The following IFT88 variants were observed in gnomAD, a reference collection of about 807,000 sequenced individuals.
IFT88 encodes intraflagellar transport protein 88 homolog.
In IFT88, 74 loss-of-function variants were observed where a neutral mutation model predicts 119.5. The ratio of observed to expected loss-of-function variants is 0.62; its 90% CI spans 0.51 to 0.75. The LOEUF (loss-of-function observed/expected upper bound fraction) is 0.75. Among genes scored for constraint, IFT88 ranks in the 30% least tolerant of loss-of-function variants. The pLI is 0.00. For synonymous variants in IFT88, 279 were observed against 316.7 expected, an observed-to-expected ratio of 0.88 and a Z score of 1.26; for missense variants, 961 against 977.7, an observed-to-expected ratio of 0.98 and a Z score of 0.23.
intron 1 of IFT88, among the ~76,000 whole-genome samples, chr13:20,574,053 G>A (rs760335938): frequency 3.3e-5 from 5 of 152,174 alleles, no homozygotes; most frequent in South Asian, 2.1e-4. Context: ...CTGGCCTGGC[G>A]TGGTGGCTCA....
chr13:20,583,162 C>T, intron 3 of IFT88, 143 bp downstream of exon 3: 1 of 526,800 alleles, frequency 1.9e-6, no homozygotes. Context: ...AACAGATCTT[C>T]AGAAGTTTTT....
chr13:20,684,621 G>A (rs10747123), intron 24 of IFT88, among the ~76,000 whole-genome samples: 140,098 of 152,258 alleles, frequency 0.92, 64,542 homozygotes, highest in East Asian at 1. Context: ...ATAGTTCCTC[G>A]GTCCTGAAAC....
chr13:20,620,686 C>T (rs1272429638), intron 14 of IFT88, among the ~76,000 whole-genome samples: 2 of 136,270 alleles, frequency 1.5e-5, no homozygotes, highest in African/African-American at 5.0e-5. Flanking sequence ...CTGCCTCAGC[C>T]TCCTGAGTAG....
chr13:20,615,362 C>T (rs1408341968), intron 13 of IFT88, among the ~76,000 whole-genome samples: 2 of 152,134 alleles, frequency 1.3e-5, no homozygotes, highest in African/African-American at 4.8e-5. Context: ...TATACACACA[C>T]GGATACAGAT....
chr13:20,568,529 T>C (rs1054539437), intron 1 of IFT88, among the ~76,000 whole-genome samples: 4 of 152,364 alleles, frequency 2.6e-5, no homozygotes, highest in African/African-American at 7.2e-5. Flanking sequence ...CTATAACTTA[T>C]GTGTCAACTA....
intron 22 of IFT88, among the ~76,000 whole-genome samples, chr13:20,659,984 G>A (rs1165242028): frequency 6.6e-6 from 1 of 152,174 alleles, no homozygotes. Flanking sequence ...ACAAATTATT[G>A]TGGAGTGGAG....
intron 16 of IFT88, among the ~76,000 whole-genome samples, chr13:20,637,766 C>A (rs1052733600): frequency 3.3e-5 from 5 of 152,158 alleles, no homozygotes; most frequent in Non-Finnish European, 5.9e-5. Flanking sequence ...AGACAAGAGG[C>A]TAATAGTGAA....
intron 24 of IFT88, among the ~76,000 whole-genome samples, chr13:20,689,422 C>G (rs2058271198): frequency 6.6e-6 from 1 of 152,164 alleles, no homozygotes; most frequent in South Asian, 2.1e-4. Flanking sequence ...TTCTGACATT[C>G]CACAGTATTC....
At chr13:20,577,584 A>C (rs1007897551) in intron 2 of IFT88, among the ~76,000 whole-genome samples, 1 of 152,132 alleles carries the variant, frequency 6.6e-6, no homozygotes, top group African/African-American at 2.4e-5. Flanking sequence ...ATTTTACCTA[A>C]TGCTTTTTCA....
chr13:20,585,838 C>G (rs1453728098), intron 3 of IFT88, among the ~76,000 whole-genome samples: 1 of 152,174 alleles, frequency 6.6e-6, no homozygotes, highest in East Asian at 1.9e-4. Flanking sequence ...TCTTTTACAA[C>G]CCATATTTTA....
chr13:20,608,617 A>AT (rs2043930036), intron 13 of IFT88, among the ~76,000 whole-genome samples: 1 of 152,158 alleles, frequency 6.6e-6, no homozygotes, highest in African/African-American at 2.4e-5. Context: ...CAGACTGGCC[A>AT]TTTTAATTCC....
chr13:20,591,738 T>C, intron 6 of IFT88, 57 bp downstream of exon 6: 1 of 1,120,248 alleles, frequency 8.9e-7, no homozygotes, highest in Non-Finnish European at 1.3e-6. Flanking sequence ...CTTTTATCAT[T>C]TTGTGATATA....
At chr13:20,574,017 T>C (rs1020360215) in intron 1 of IFT88, among the ~76,000 whole-genome samples, 1 of 152,238 alleles carries the variant, frequency 6.6e-6, no homozygotes. Context: ...TAAATAGTTA[T>C]ACTTTATTGG....
chr13:20,614,832 T>C (rs1026076276), intron 13 of IFT88, among the ~76,000 whole-genome samples: 1 of 150,280 alleles, frequency 6.7e-6, no homozygotes, highest in Admixed American at 6.6e-5. Flanking sequence ...TTTTTTTTTT[T>C]TGAGACGGAG....
intron 22 of IFT88, among the ~76,000 whole-genome samples, chr13:20,658,479 A>G (rs1350089385): frequency 1.3e-5 from 2 of 152,222 alleles, no homozygotes; most frequent in African/African-American, 4.8e-5. Flanking sequence ...ATTTCTGTTT[A>G]AAGAACTTTC....
chr13:20,638,157 A>G (rs1404626305), intron 16 of IFT88, among the ~76,000 whole-genome samples, 175 bp from the exon 17 acceptor site: 1 of 152,254 alleles, frequency 6.6e-6, no homozygotes. Context: ...TGGGTGGTTC[A>G]GCCTGATAAG....
intron 16 of IFT88, among the ~76,000 whole-genome samples, chr13:20,632,371 G>A (rs140977653): frequency 2.0e-5 from 3 of 152,258 alleles, no homozygotes; most frequent in Non-Finnish European, 4.4e-5. Context: ...AGGTTGCAGG[G>A]CCAAGGAAGG....
intron 24 of IFT88, among the ~76,000 whole-genome samples, chr13:20,680,041 T>C (rs1266906391): frequency 1.3e-5 from 2 of 152,222 alleles, no homozygotes; most frequent in Non-Finnish European, 2.9e-5. Flanking sequence ...ACAACACCTC[T>C]GCCTGCCTTG....
At chr13:20,640,346 G>A (rs920920619) in intron 17 of IFT88, among the ~76,000 whole-genome samples, 6 of 151,720 alleles carry the variant, frequency 4.0e-5, no homozygotes, top group Admixed American at 3.9e-4. Context: ...GGCCAAGGCA[G>A]GCGGATCATG....
Sources: allele counts gnomAD v4.1 joint callset (sites outside exome capture counted in the v4.1 genomes callset), GRCh38; gene constraint gnomAD v4.1.1; transcripts MANE v1.5; gene names NCBI Gene and HGNC (gene_info 2026-07-23, HGNC 2026-07-21).